The following PTPRM variants were observed in gnomAD, a reference collection of about 807,000 sequenced individuals.
The protein encoded by PTPRM is receptor-type tyrosine-protein phosphatase mu.
A neutral mutation model predicts 186.7 loss-of-function variants in PTPRM; 47 were observed. The ratio of observed to expected loss-of-function variants is 0.25; its 90% confidence interval spans 0.20 to 0.32. The LOEUF (loss-of-function observed/expected upper bound fraction) is 0.32. Among genes scored for constraint, PTPRM ranks in the 10% least tolerant of loss-of-function variants. The pLI, the probability that PTPRM is intolerant of heterozygous loss-of-function variation, is 1.00. For missense variants in PTPRM, 1,494 were observed against 1,865.0 expected (o/e 0.80, Z 3.66); for synonymous variants, 668 against 674.9 (o/e 0.99, Z 0.16).
At chr18:7,948,235 G>A (rs114603086) in intron 5 of PTPRM, among the ~76,000 whole-genome samples, 3,253 of 151,714 alleles carry the variant, frequency 0.021, 46 homozygotes, top group African/African-American at 0.044. Flanking sequence ...ATGGGGGACT[G>A]TTGGTGTGAG....
rs529046538 is a variant in PTPRM at position 8,358,565 on chromosome 18, G to A, written c.3055-12325G>A. On this transcript the variant is annotated intron_variant, in intron 23 of 32. Transcript: ENST00000580170. The stretch of plus-strand genomic sequence containing the variant: ...TTGCTGGTTCTGCTCCCTGGTATGC[G>A]TGCAGCTAGTGACTGTGCAGGCATC... 1.5e-4 allele frequency among the ~76,000 whole-genome samples: 23 copies of A among 152,272 alleles called. No individual in the cohort carries two copies. The South Asian group carries it at 3.7e-3, about 25-fold the overall frequency.
At position 7,685,979 on chromosome 18, in the gene PTPRM, A is replaced by G. The variant is rs375463261; in HGVS notation, c.74-88170A>G. Among the ~76,000 whole-genome samples, 6 of 152,250 alleles carry G rather than the reference A, an allele frequency of 3.9e-5. No homozygotes were observed. The South Asian group carries it at 6.2e-4, about 16-fold the overall frequency. On this transcript the variant is annotated intron_variant, in intron 1 of 32. Coordinates refer to ENST00000580170, the MANE Select transcript of PTPRM (RefSeq NM_001105244.2). ...TATAAGGACATGAGGAAGCTCACAG[A>G]CTCTAGTGGCAGGCCAGAAAACTGG... is the stretch of plus-strand genomic sequence containing the variant.
chr18:8,365,084 C>G (rs1010818622), intron 23 of PTPRM: 2 of 152,252 alleles, frequency 1.3e-5, no homozygotes, highest in African/African-American at 4.8e-5. Context: ...AAAAAGGCAG[C>G]TGAAGTCATT....
At chr18:7,864,412 T>C (rs563970276) in intron 2 of PTPRM, among the ~76,000 whole-genome samples, 4 of 152,362 alleles carry the variant, frequency 2.6e-5, no homozygotes, top group Middle Eastern at 6.8e-3. Context: ...GTTTTCTGCA[T>C]ATGGCTGGCC....
At chr18:7,699,801 A>G (rs553253423) in intron 1 of PTPRM, among the ~76,000 whole-genome samples, 9 of 152,006 alleles carry the variant, frequency 5.9e-5, no homozygotes, top group Non-Finnish European at 1.2e-4. Context: ...AGGGTCACCA[A>G]TATACTCTGT....
rs2095434639 is a variant in PTPRM at position 8,335,619 on chromosome 18, C to T, written c.2957-7804C>T. Among the ~76,000 whole-genome samples the T allele has an allele frequency of 5.3e-5, 8 of 152,108 alleles. No individual in the cohort carries two copies. The South Asian group carries it at 1.7e-3, about 32-fold the overall frequency. ...ATGATATGTGGTGTTTTTTAACTGC[C>T]TTACAGATTCAAGCATACCAAACCT... On this transcript the variant is annotated intron_variant, in intron 22 of 32. Coordinates refer to ENST00000580170, the MANE Select transcript of PTPRM (RefSeq NM_001105244.2).
intron 1 of PTPRM, among the ~76,000 whole-genome samples, chr18:7,650,446 C>CG (rs1232706318): frequency 1.6e-5 from 1 of 64,374 alleles, no homozygotes; most frequent in Non-Finnish European, 2.4e-5. Flanking sequence ...CTTTCAAATC[C>CG]CCCCCCCCCC....
At chr18:8,193,921 C>T (rs945706828) in intron 14 of PTPRM, among the ~76,000 whole-genome samples, 5 of 152,210 alleles carry the variant, frequency 3.3e-5, no homozygotes, top group African/African-American at 1.2e-4. Flanking sequence ...TTCCAGTTCT[C>T]ATGGATGCTG....
chr18:8,380,190 A>G, intron 28 of PTPRM, 106 bp from the exon 29 acceptor site: 3 of 1,234,192 alleles, frequency 2.4e-6, no homozygotes, highest in Non-Finnish European at 3.5e-6. Context: ...GCTGTTAAAC[A>G]TGTTCAGTGT....
intron 14 of PTPRM, among the ~76,000 whole-genome samples, chr18:8,189,171 C>T (rs1305708563): frequency 1.3e-5 from 2 of 151,756 alleles, no homozygotes; most frequent in Non-Finnish European, 2.9e-5. Context: ...GTGGTGTGCA[C>T]CTGTGGTCCC....
chr18:8,397,446 T>G (rs2095850629), intron 32 of PTPRM, among the ~76,000 whole-genome samples: 1 of 152,232 alleles, frequency 6.6e-6, no homozygotes, highest in Non-Finnish European at 1.5e-5. Context: ...TTTCTGCAAA[T>G]TTTTAGCTTT....
chr18:8,099,832 T>C (rs769708933), intron 11 of PTPRM, among the ~76,000 whole-genome samples: 1 of 152,218 alleles, frequency 6.6e-6, no homozygotes, highest in Non-Finnish European at 1.5e-5. Flanking sequence ...TGGGTTTGAA[T>C]CTCGGCTGGG....
intron 14 of PTPRM, among the ~76,000 whole-genome samples, chr18:8,198,882 T>G (rs1467290640): frequency 6.6e-6 from 1 of 152,192 alleles, no homozygotes; most frequent in Non-Finnish European, 1.5e-5. Flanking sequence ...CTGGGCTGGC[T>G]GGGCTAATTT....
chr18:8,238,418 T>G (rs569590583), intron 14 of PTPRM, among the ~76,000 whole-genome samples: 4 of 151,940 alleles, frequency 2.6e-5, no homozygotes, highest in African/African-American at 9.7e-5. Context: ...GTTTTCATTC[T>G]GTTACAACGT....
rs62090902 is a variant in PTPRM, at chr18:7,819,359, G to A, written c.196+45088G>A. ...TGGATGTTGAGAGGAACACATTGGCGGAAGAAGATAGAAGCGGCTGGATGT... is the reference window on the plus strand; with the variant it reads ...TGGATGTTGAGAGGAACACATTGGCAGAAGAAGATAGAAGCGGCTGGATGT... On this transcript the variant is annotated intron_variant, in intron 2 of 32. Coordinates refer to ENST00000580170, the MANE Select transcript of PTPRM (RefSeq NM_001105244.2). Among the ~76,000 whole-genome samples, 365 of 148,570 alleles carry A rather than the reference G, an allele frequency of 2.5e-3. 1 individual carries two copies. Among genetic ancestry groups the A allele is most frequent in the African/African-American group, 8.1e-3 (331 of 40,812 alleles).
intron 7 of PTPRM, among the ~76,000 whole-genome samples, chr18:7,985,017 T>TG (rs2082825350): frequency 8.1e-6 from 1 of 123,460 alleles, no homozygotes; most frequent in African/African-American, 3.3e-5. Flanking sequence ...ATACATATAA[T>TG]TATATATACA....
intron 19 of PTPRM, among the ~76,000 whole-genome samples, chr18:8,284,277 G>A (rs1484742872): frequency 1.3e-5 from 2 of 152,122 alleles, no homozygotes; most frequent in Admixed American, 6.5e-5. Context: ...CCCAAACCTT[G>A]TAGTTCTAAA....
rs146367973 is a variant in PTPRM, at chr18:7,860,317, C to T, written c.197-27789C>T. Among the ~76,000 whole-genome samples the T allele has an allele frequency of 4.4e-3, 665 of 152,284 alleles. 4 individuals carry two copies. Among genetic ancestry groups the T allele is most frequent in the African/African-American group, 0.015 (642 of 41,544 alleles). On this transcript the variant is annotated intron_variant, in intron 2 of 32. Transcript: ENST00000580170. ...TGAACTTCTGACCTCAAGTGATCTG[C>T]TGGCCTTGGCTTCCCAAAGAGCTGG... is the stretch of plus-strand genomic sequence containing the variant.
intron 23 of PTPRM, chr18:8,365,845 C>T (rs914666093): frequency 6.6e-6 from 1 of 152,284 alleles, no homozygotes; most frequent in African/African-American, 2.4e-5. Context: ...GTCCAGATCA[C>T]AAAACAATCA....
Sources: gnomAD v4.1 joint callset for allele counts (sites outside exome capture counted in the v4.1 genomes callset) on GRCh38, gnomAD v4.1.1 for gene constraint, MANE v1.5 for transcripts, NCBI Gene and HGNC (gene_info 2026-07-23, HGNC 2026-07-21) for gene names.